The following EPHB1 variants were observed in gnomAD, a reference collection of about 807,000 sequenced individuals.
The protein encoded by EPHB1 is EPH receptor B1.
In EPHB1, 30 loss-of-function variants were observed where a neutral mutation model predicts 94.4. The observed-to-expected ratio is 0.32, with a 90% CI of 0.24 to 0.43. The LOEUF (loss-of-function observed/expected upper bound fraction) is 0.43. EPHB1 is among the 20% of genes least tolerant of loss of function. The pLI is 1.00. For missense variants in EPHB1, 1,055 were observed against 1,308.3 expected, an observed-to-expected ratio of 0.81 and a Z score of 2.99; for synonymous variants, 522 against 489.1, an observed-to-expected ratio of 1.07 and a Z score of -0.89.
intron 1 of EPHB1, among the ~76,000 whole-genome samples, chr3:134,811,432 T>A (rs1001297274): frequency 6.6e-6 from 1 of 151,774 alleles, no homozygotes; most frequent in African/African-American, 2.4e-5. Context: ...AGAGACGGGG[T>A]TTCACCATGT....
chr3:135,164,548 C>G (rs530688806), intron 7 of EPHB1, among the ~76,000 whole-genome samples: 5 of 152,116 alleles, frequency 3.3e-5, no homozygotes, highest in African/African-American at 4.8e-5. Context: ...GTGGCTCACA[C>G]CTCTAATCCC....
chr3:135,184,372 A>G (rs556684059), intron 10 of EPHB1, among the ~76,000 whole-genome samples: 2 of 152,376 alleles, frequency 1.3e-5, no homozygotes, highest in South Asian at 4.1e-4. Context: ...GATCAAAGAA[A>G]TAAAAATATA....
In EPHB1 at chr3:134,896,610, C is replaced by T. The variant is rs142654960; in HGVS notation, c.59-29206C>T. ...AAGGGCCTGCTCCTTCATCGATGGC[C>T]CCACTAAGCATGCTGGTCTCCACTG... On this transcript the variant is annotated intron_variant, in intron 1 of 15. Transcript: ENST00000398015. 6.1e-3 allele frequency among the ~76,000 whole-genome samples: 924 copies of T among 152,312 alleles called. 10 individuals carry two copies. Among genetic ancestry groups the T allele is most frequent in the African/African-American group, 0.021 (879 of 41,560 alleles).
At chr3:135,038,074 C>T (rs1936705387) in intron 3 of EPHB1, among the ~76,000 whole-genome samples, 1 of 152,202 alleles carries the variant, frequency 6.6e-6, no homozygotes, top group South Asian at 2.1e-4. Flanking sequence ...CTCCCACTAT[C>T]CTCACCAGAG....
intron 3 of EPHB1, among the ~76,000 whole-genome samples, chr3:135,084,187 A>G (rs549653486): frequency 4.1e-4 from 63 of 152,290 alleles, no homozygotes; most frequent in Non-Finnish European, 6.5e-4. Context: ...ATTGCAAAAT[A>G]TTTATCTTCA....
At chr3:135,128,254 G>A (rs1323952165) in intron 4 of EPHB1, among the ~76,000 whole-genome samples, 1 of 152,188 alleles carries the variant, frequency 6.6e-6, no homozygotes, top group Non-Finnish European at 1.5e-5. Flanking sequence ...GTCTCAATTG[G>A]CCTCCTTCCT....
At chr3:135,084,040 G>A (rs1243505281) in intron 3 of EPHB1, among the ~76,000 whole-genome samples, 1 of 152,256 alleles carries the variant, frequency 6.6e-6, no homozygotes, top group African/African-American at 2.4e-5. Flanking sequence ...CCCTCTGCCT[G>A]CCTTTTCAAG....
rs1323691388 is a variant in EPHB1 at position 135,174,976 on chromosome 3, AC to A, written c.1760-4880del. Among the ~76,000 whole-genome samples the A allele has an allele frequency of 3.3e-5, 5 of 152,168 alleles. No individual in the cohort carries two copies. In the East Asian group the frequency reaches 9.7e-4, roughly 29 times the overall value. On this transcript the variant is annotated intron_variant, in intron 9 of 15. Transcript: ENST00000398015. ...TGGGAAGTGCCAGGTTTGTACTGGCACCCCTGGAGCCATGTGGGTATTCGTG... is the reference window on the plus strand; with the variant it reads ...TGGGAAGTGCCAGGTTTGTACTGGCACCCTGGAGCCATGTGGGTATTCGTG...
intron 3 of EPHB1, among the ~76,000 whole-genome samples, chr3:134,960,320 CAGGTCTTTGACAGGCATGTTG>C (rs1272403162): frequency 6.6e-6 from 1 of 151,934 alleles, no homozygotes; most frequent in Non-Finnish European, 1.5e-5. Flanking sequence ...ATTTTGCCAA[CAGGTCTTTGACAGGCATGTTG>C]AGAGAGGTGC....
chr3:135,160,328 T>C (rs1056739570), intron 6 of EPHB1, among the ~76,000 whole-genome samples: 6 of 152,240 alleles, frequency 3.9e-5, no homozygotes, highest in Admixed American at 1.3e-4. Context: ...CTTATCACTG[T>C]ACTGTATTCT....
intron 3 of EPHB1, among the ~76,000 whole-genome samples, chr3:135,105,990 G>A (rs1398576915): frequency 4.6e-5 from 7 of 152,240 alleles, no homozygotes; most frequent in South Asian, 4.2e-4. Flanking sequence ...TTGAAAAACC[G>A]TGGGTCCAAC....
At chr3:134,948,181 G>A (rs2039249697) in intron 2 of EPHB1, among the ~76,000 whole-genome samples, 1 of 152,058 alleles carries the variant, frequency 6.6e-6, no homozygotes, top group African/African-American at 2.4e-5. Context: ...TCTTGGGTGT[G>A]TCAAGAACTC....
intron 5 of EPHB1, among the ~76,000 whole-genome samples, chr3:135,148,286 G>T (rs1941080951): frequency 6.6e-6 from 1 of 152,230 alleles, no homozygotes; most frequent in South Asian, 2.1e-4. Context: ...AGATAACTGA[G>T]TCGGTAACTA....
intron 11 of EPHB1, among the ~76,000 whole-genome samples, chr3:135,196,332 G>A (rs1942615368): frequency 6.6e-6 from 1 of 152,054 alleles, no homozygotes; most frequent in Non-Finnish European, 1.5e-5. Flanking sequence ...GAGGCATGTT[G>A]GACACCAGCA....
intron 5 of EPHB1, among the ~76,000 whole-genome samples, chr3:135,149,143 CT>C (rs1941111908): frequency 1.3e-5 from 2 of 152,348 alleles, no homozygotes; most frequent in South Asian, 4.1e-4. Context: ...TCATCAGGTT[CT>C]TTCCAAGTAA....
At position 134,795,590 on chromosome 3, in the gene EPHB1, G is replaced by C. The variant is rs1161116602; in HGVS notation, c.-42G>C. The C allele has an allele frequency of 6.3e-7, 1 of 1,593,386 alleles. No individual in the cohort carries two copies. The highest frequency in any genetic ancestry group is 1.1e-5 in the South Asian group (1 of 89,840). On this transcript the variant is annotated 5_prime_UTR_variant, in exon 1 of 16. Coordinates refer to ENST00000398015, the MANE Select transcript of EPHB1 (RefSeq NM_004441.5). ...TGGGACGCGGCGCTCTCCCGGCGCT[G>C]CTGCCTCGGCTTGGTCTCGGCCTGC...
intron 3 of EPHB1, among the ~76,000 whole-genome samples, chr3:135,080,184 T>A (rs757096957): frequency 6.6e-6 from 1 of 152,210 alleles, no homozygotes; most frequent in Non-Finnish European, 1.5e-5. Context: ...GAGAGGAATC[T>A]CCTGGGGAAG....
intron 1 of EPHB1, among the ~76,000 whole-genome samples, chr3:134,893,822 C>T (rs1188791844): frequency 6.6e-6 from 1 of 152,224 alleles, no homozygotes; most frequent in Admixed American, 6.5e-5. Flanking sequence ...AGACCGTAAA[C>T]TGTGTGGGAG....
intron 15 of EPHB1, among the ~76,000 whole-genome samples, chr3:135,258,491 A>G (rs1173299365): frequency 6.6e-6 from 1 of 152,164 alleles, no homozygotes; most frequent in Non-Finnish European, 1.5e-5. Flanking sequence ...CAGATATTTT[A>G]GTTATTTTGA....
Sources: allele counts gnomAD v4.1 joint callset (sites outside exome capture counted in the v4.1 genomes callset), GRCh38; gene constraint gnomAD v4.1.1; transcripts MANE v1.5; gene names NCBI Gene and HGNC (gene_info 2026-07-23, HGNC 2026-07-21).